The following CHI3L2 variants were observed in gnomAD, a reference collection of about 807,000 sequenced individuals.
CHI3L2 encodes chitinase 3 like 2.
In CHI3L2, 47 loss-of-function variants were observed where a neutral mutation model predicts 47.3. That is an observed-to-expected ratio of 0.99 (90% CI 0.79 to 1.27). The LOEUF is 1.27. Among genes scored for constraint, CHI3L2 ranks in the 50% most tolerant of loss-of-function variants. The probability of loss-of-function intolerance (pLI) is 0.00; values close to 1 mark genes in which losing one functional copy is unlikely to be tolerated. For synonymous variants in CHI3L2, 198 were observed against 169.9 expected, an observed-to-expected ratio of 1.17 and a Z score of -1.28; for missense variants, 497 against 462.1, an observed-to-expected ratio of 1.08 and a Z score of -0.69.
At chr1:111,227,865 T>G (rs948224501) in intron 1 of CHI3L2, 96 bp downstream of exon 1, 6 of 1,271,578 alleles carry the variant, frequency 4.7e-6, no homozygotes, top group Non-Finnish European at 6.8e-6. Flanking sequence ...TCCTGGGACT[T>G]CAGTCTTTCC....
chr1:111,243,143 C>A, intron 10 of CHI3L2, 74 bp from the exon 11 acceptor site: 1 of 456,002 alleles, frequency 2.2e-6, no homozygotes, highest in South Asian at 1.5e-5. Flanking sequence ...CTCTGAGCAT[C>A]CATTGTTTAG....
intron 8 of CHI3L2, 21 bp from the exon 9 acceptor site, chr1:111,241,306 C>T (rs753349006): frequency 1.2e-5 from 16 of 1,335,572 alleles, no homozygotes; most frequent in East Asian, 4.6e-5. Context: ...CTGACCCTCT[C>T]GTTTCCCTTT....
intron 7 of CHI3L2, among the ~76,000 whole-genome samples, chr1:111,237,913 T>C (rs911872449): frequency 6.6e-6 from 1 of 152,108 alleles, no homozygotes; most frequent in Non-Finnish European, 1.5e-5. Context: ...TGAGAAACAT[T>C]TACAATCTAG....
intron 7 of CHI3L2, among the ~76,000 whole-genome samples, chr1:111,236,804 AT>A (rs1199759719): frequency 1.3e-5 from 2 of 152,222 alleles, no homozygotes; most frequent in African/African-American, 4.8e-5. Context: ...GGAGACTGGA[AT>A]TTTATTATTA....
At chr1:111,234,188 TAAAAAAAAAAA>T in intron 4 of CHI3L2, among the ~76,000 whole-genome samples, 1 of 77,922 alleles carries the variant, frequency 1.3e-5, no homozygotes, top group Non-Finnish European at 2.8e-5. Context: ...GAATGATCAA[TAAAAAAAAAAA>T]AAAAAGAAAG....
Position 111,235,637 on chromosome 1 carries a change from A to T in CHI3L2, c.481-2A>T. 6.2e-7 allele frequency: 1 copy of T among 1,613,208 alleles called. No homozygotes were observed. Among genetic ancestry groups the T allele is most frequent in the Non-Finnish European group, 8.5e-7 (1 of 1,179,658 alleles). On this transcript the variant is annotated splice_acceptor_variant, in intron 5 of 10. Coordinates refer to ENST00000369748, the MANE Select transcript of CHI3L2 (RefSeq NM_004000.3). LOFTEE classifies it high-confidence loss of function. ...TGCACCTCGTTTCTTTGTTTTTCCT[A>T]GGAGTTAGCAGAAGCCTTTCAGAAG...
chr1:111,238,615 G>T, intron 7 of CHI3L2, 135 bp from the exon 8 acceptor site: 3 of 808,356 alleles, frequency 3.7e-6, no homozygotes, highest in Non-Finnish European at 6.0e-6. Flanking sequence ...TGGTCCGGGG[G>T]GTCTGGTCTG....
chr1:111,241,267 C>G, intron 8 of CHI3L2, 60 bp from the exon 9 acceptor site: 2 of 941,950 alleles, frequency 2.1e-6, no homozygotes, highest in Non-Finnish European at 3.5e-6. Context: ...CCCTGTCTAC[C>G]CCAACCAAGT....
In CHI3L2 at chr1:111,241,398, G is replaced by C. The variant is rs371695473; in HGVS notation, c.990G>C (p.Gly330=). ...AGCAGGTTCCCTACGCAGTCAAGGGGAACCAGTGGGTGGGCTATGATGATG... is the reference window on the plus strand; with the variant it reads ...AGCAGGTTCCCTACGCAGTCAAGGGCAACCAGTGGGTGGGCTATGATGATG... ...QDQQVPYAVK[G]NQWVGYDDVK... The change falls in exon 9 of 11, where the codon GGG becomes GGC. Residue 330 remains glycine (G), a synonymous_variant. Coordinates refer to ENST00000369748, the MANE Select transcript of CHI3L2 (RefSeq NM_004000.3). 4.0e-5 allele frequency: 65 copies of C among 1,609,702 alleles called. No individual in the cohort carries two copies. The highest frequency in any genetic ancestry group is 8.0e-5 in the African/African-American group (6 of 74,848).
intron 4 of CHI3L2, among the ~76,000 whole-genome samples, chr1:111,232,815 A>G (rs888908554): frequency 1.3e-5 from 2 of 152,224 alleles, no homozygotes; most frequent in African/African-American, 4.8e-5. Flanking sequence ...ATCTGCCCAG[A>G]GGCTCAGGTG....
chr1:111,238,877 G>A lies in CHI3L2; in HGVS notation c.863G>A (p.Gly288Asp). The change falls in exon 8 of 11, where the codon GGC becomes GAC. Residue 288 changes from glycine (G) to aspartate (D), a missense_variant. Gly to Asp is a moderately conservative substitution (Grantham distance 94). Coordinates refer to ENST00000369748, the MANE Select transcript of CHI3L2 (RefSeq NM_004000.3). Reference sequence around the variant, plus strand: ...ACCACCGTGGGGGCCCCTGCCTCTGGCCCTGGAGCTGCTGGACCCATCACA... The same window carrying A: ...ACCACCGTGGGGGCCCCTGCCTCTGACCCTGGAGCTGCTGGACCCATCACA... The part of the protein sequence containing the change: ...AETTVGAPAS[G>D]PGAAGPITES... 1 of 1,613,360 alleles carries A rather than the reference G, an allele frequency of 6.2e-7. No homozygotes were observed. The highest frequency in any genetic ancestry group is 1.7e-5 in the Admixed American group (1 of 59,924).
chr1:111,238,570 T>C (rs1659950789), intron 7 of CHI3L2, among the ~76,000 whole-genome samples, 180 bp from the exon 8 acceptor site: 1 of 152,264 alleles, frequency 6.6e-6, no homozygotes, highest in Non-Finnish European at 1.5e-5. Flanking sequence ...AGCCTCTTGC[T>C]GCTAAAGAGC....
intron 7 of CHI3L2, among the ~76,000 whole-genome samples, chr1:111,237,002 G>T (rs1659906432): frequency 6.6e-6 from 1 of 152,148 alleles, no homozygotes; most frequent in Non-Finnish European, 1.5e-5. Flanking sequence ...CAGATTCCTG[G>T]GTCTGGGTAG....
intron 4 of CHI3L2, among the ~76,000 whole-genome samples, chr1:111,233,607 G>C (rs1250119143): frequency 6.6e-6 from 1 of 152,112 alleles, no homozygotes; most frequent in Non-Finnish European, 1.5e-5. Context: ...GCCCCGTCCG[G>C]GAGGTGAGGG....
intron 8 of CHI3L2, among the ~76,000 whole-genome samples, chr1:111,239,880 C>G (rs565007789): frequency 5.3e-5 from 8 of 152,316 alleles, no homozygotes; most frequent in African/African-American, 1.9e-4. Context: ...CCATCCTTGT[C>G]TCTAAAGGGG....
intron 7 of CHI3L2, among the ~76,000 whole-genome samples, chr1:111,237,661 G>A (rs1387048844): frequency 6.6e-6 from 1 of 152,092 alleles, no homozygotes. Flanking sequence ...ATTTTGTTCT[G>A]AGAGCAGGAA....
intron 10 of CHI3L2, among the ~76,000 whole-genome samples, 191 bp from the exon 11 acceptor site, chr1:111,243,026 G>T (rs577173107): frequency 6.6e-6 from 1 of 152,286 alleles, no homozygotes; most frequent in East Asian, 1.9e-4. Flanking sequence ...GCAGGGCGCT[G>T]GGGCTCACTG....
intron 2 of CHI3L2, 98 bp from the exon 3 acceptor site, chr1:111,230,644 C>G: frequency 1.0e-6 from 1 of 992,608 alleles, no homozygotes; most frequent in Admixed American, 1.9e-5. Context: ...GCAGAATGAG[C>G]AAATGATGCA....
chr1:111,236,290 C>A, intron 7 of CHI3L2, 137 bp downstream of exon 7: 1 of 873,678 alleles, frequency 1.1e-6, no homozygotes, highest in Non-Finnish European at 1.7e-6. Flanking sequence ...GCCCCAGGAG[C>A]AAGTGAGTGC....
Sources: allele counts gnomAD v4.1 joint callset (sites outside exome capture counted in the v4.1 genomes callset), GRCh38; gene constraint gnomAD v4.1.1; transcripts MANE v1.5; gene names NCBI Gene and HGNC (gene_info 2026-07-23, HGNC 2026-07-21).